SFMBT2: variants seen among roughly 807,000 people sequenced by gnomAD.
The protein encoded by SFMBT2 is Scm like with four mbt domains 2.
In SFMBT2, 38 loss-of-function variants were observed where a neutral mutation model predicts 110.1. The ratio of observed to expected loss-of-function variants is 0.35; its 90% CI spans 0.27 to 0.45. SFMBT2 has a LOEUF of 0.45. SFMBT2 is among the 20% of genes least tolerant of loss of function. The pLI is 1.00. For missense variants in SFMBT2, 1,011 were observed against 1,094.9 expected (o/e 0.92, Z 1.08); for synonymous variants, 425 against 425.4 (o/e 1.00, Z 0.01).
At chr10:7,165,033 T>A (rs1306894456) in intron 20 of SFMBT2, among the ~76,000 whole-genome samples, 10 of 152,314 alleles carry the variant, frequency 6.6e-5, no homozygotes, top group African/African-American at 2.2e-4. Flanking sequence ...ATCTGGTTCA[T>A]TCACATAGAT....
At chr10:7,282,777 A>G (rs900781156) in intron 6 of SFMBT2, among the ~76,000 whole-genome samples, 1 of 152,234 alleles carries the variant, frequency 6.6e-6, no homozygotes, top group African/African-American at 2.4e-5. Context: ...CAACACTAAC[A>G]TCGGCAACTA....
chr10:7,240,245 C>T (rs983571916), intron 9 of SFMBT2, among the ~76,000 whole-genome samples: 7 of 152,144 alleles, frequency 4.6e-5, no homozygotes, highest in Non-Finnish European at 7.3e-5. Context: ...CTCATAGGTA[C>T]TGTTTTGCCT....
chr10:7,342,396 C>CTTTTTTTTTTTTTTTTTTTTT, intron 4 of SFMBT2, among the ~76,000 whole-genome samples: 1 of 69,628 alleles, frequency 1.4e-5, no homozygotes, highest in Non-Finnish European at 2.8e-5. Flanking sequence ...TGGAGTGAGT[C>CTTTTTTTTTTTTTTTTTTTTT]TTTTTTTTTT....
intron 7 of SFMBT2, among the ~76,000 whole-genome samples, chr10:7,275,074 A>T (rs1378971455): frequency 6.6e-6 from 1 of 152,150 alleles, no homozygotes; most frequent in Non-Finnish European, 1.5e-5. Context: ...GGAACGCCAC[A>T]AAGAGAGGCA....
intron 1 of SFMBT2, 22 bp from the exon 2 acceptor site, chr10:7,381,971 A>G: frequency 7.1e-7 from 1 of 1,415,504 alleles, no homozygotes; most frequent in Non-Finnish European, 9.5e-7. Context: ...CAAAAAAAAA[A>G]AAATCAGAGC....
intron 8 of SFMBT2, among the ~76,000 whole-genome samples, chr10:7,247,516 A>G (rs1009759366): frequency 1.3e-5 from 2 of 152,246 alleles, no homozygotes; most frequent in Non-Finnish European, 2.9e-5. Flanking sequence ...TTTATAACCA[A>G]TTTCCATATT....
intron 15 of SFMBT2, 84 bp from the exon 16 acceptor site, chr10:7,188,817 G>A: frequency 8.8e-7 from 1 of 1,130,410 alleles, no homozygotes; most frequent in Non-Finnish European, 1.3e-6. Context: ...CCACACCACT[G>A]ACATTTAGGA....
intron 16 of SFMBT2, among the ~76,000 whole-genome samples, chr10:7,182,246 C>G (rs968223026): frequency 6.6e-6 from 1 of 152,188 alleles, no homozygotes; most frequent in Non-Finnish European, 1.5e-5. Context: ...CCATGTTGGC[C>G]AGGCTGGTCT....
intron 1 of SFMBT2, among the ~76,000 whole-genome samples, chr10:7,392,986 TATATA>T (rs1564472874): frequency 7.6e-4 from 4 of 5,278 alleles, no homozygotes; most frequent in Admixed American, 2.6e-3. Flanking sequence ...GGATAGATTA[TATATA>T]TATATATATA....
intron 4 of SFMBT2, among the ~76,000 whole-genome samples, chr10:7,312,817 T>C (rs1178941743): frequency 6.6e-6 from 1 of 152,222 alleles, no homozygotes; most frequent in Non-Finnish European, 1.5e-5. Flanking sequence ...GTGCTGAAAC[T>C]GAGATTTTAA....
chr10:7,287,136 A>G (rs1268895817), intron 4 of SFMBT2, among the ~76,000 whole-genome samples: 3 of 131,650 alleles, frequency 2.3e-5, no homozygotes, highest in Admixed American at 9.4e-5. Context: ...GGCTGGAGGC[A>G]GTGGCGGATC....
chr10:7,367,553 G>C lies in SFMBT2; in HGVS notation c.436+96C>G. ...TGAGACCTTTGCACTAAGACCATTA[G>C]GGATTCTACGCAAGGTTCTCTCTGC... is the stretch of plus-strand genomic sequence containing the variant. On this transcript the variant is annotated intron_variant, in intron 4 of 20. Coordinates refer to ENST00000397167, the MANE Select transcript of SFMBT2 (RefSeq NM_001387889.1). This position sits in a 1 kb window ranked among gnomAD's most constrained non-coding sequence, Gnocchi z 6.2. The C allele has an allele frequency of 6.6e-7, 1 of 1,515,826 alleles. No individual in the cohort carries two copies. Among genetic ancestry groups the C allele is most frequent in the Non-Finnish European group, 8.8e-7 (1 of 1,136,710 alleles). 93.9% of individuals were successfully genotyped at this position (1,515,826 alleles called of 1,614,324 possible). A position where few individuals can be genotyped will look rare whatever the true frequency, so the allele number is the denominator to read the frequency against.
chr10:7,204,572 C>G (rs1276075731), intron 12 of SFMBT2: 5 of 852,714 alleles, frequency 5.9e-6, no homozygotes, highest in Non-Finnish European at 7.1e-6. Context: ...CAATAACCTA[C>G]AAAAATATGT....
intron 4 of SFMBT2, among the ~76,000 whole-genome samples, chr10:7,324,892 T>C (rs2131943659): frequency 6.6e-6 from 1 of 151,328 alleles, no homozygotes; most frequent in East Asian, 2.0e-4. Context: ...TTAAGGACAG[T>C]AATCCTAAAG....
intron 1 of SFMBT2, among the ~76,000 whole-genome samples, chr10:7,407,640 G>A (rs976504876): frequency 2.0e-4 from 30 of 152,192 alleles, no homozygotes; most frequent in Admixed American, 5.2e-4. Context: ...TCAGGGCCAC[G>A]AGCCTCGCCT....
intron 1 of SFMBT2, among the ~76,000 whole-genome samples, chr10:7,385,738 G>C (rs994358196): frequency 6.6e-6 from 1 of 152,110 alleles, no homozygotes; most frequent in Non-Finnish European, 1.5e-5. Flanking sequence ...AGTGGCTCAC[G>C]CCTGTAATCC....
At chr10:7,185,370 G>T (rs1838368385) in intron 16 of SFMBT2, among the ~76,000 whole-genome samples, 1 of 152,148 alleles carries the variant, frequency 6.6e-6, no homozygotes, top group Non-Finnish European at 1.5e-5. Flanking sequence ...CTCAGTTAGG[G>T]AATCCTTTTT....
chr10:7,355,055 A>G (rs1470756523), intron 4 of SFMBT2, among the ~76,000 whole-genome samples: 2 of 152,254 alleles, frequency 1.3e-5, no homozygotes, highest in African/African-American at 2.4e-5. Flanking sequence ...AGTCACAGAA[A>G]TCACCTAACA....
intron 9 of SFMBT2, among the ~76,000 whole-genome samples, chr10:7,239,375 T>C (rs775357465): frequency 5.9e-5 from 9 of 152,226 alleles, no homozygotes; most frequent in Non-Finnish European, 1.2e-4. Context: ...AATAACCTTT[T>C]ACTTTTAAAA....
Sources: allele counts gnomAD v4.1 joint callset (sites outside exome capture counted in the v4.1 genomes callset), GRCh38; gene constraint gnomAD v4.1.1; non-coding constraint Gnocchi (gnomAD v3.1); transcripts MANE v1.5; gene names NCBI Gene and HGNC (gene_info 2026-07-23, HGNC 2026-07-21).